The following MRPL57 variants were observed in gnomAD, a reference collection of about 807,000 sequenced individuals.
MRPL57 encodes mitochondrial ribosomal protein L57.
In MRPL57, 1 loss-of-function variant was observed where a neutral mutation model predicts 1.3. That is an observed-to-expected ratio of 0.79 (90% confidence interval 0.28 to 3.75). MRPL57 has a LOEUF of 3.75. Ranked by LOEUF, MRPL57 falls within the 30% of genes most tolerant of loss-of-function variation. MRPL57 has a pLI of 0.19. For missense variants in MRPL57, 170 were observed against 148.9 expected (o/e 1.14, Z -0.74); for synonymous variants, 79 against 61.7 (o/e 1.28, Z -1.31).
rs376825924 is a variant in MRPL57, at chr13:21,176,899, C to G, written c.-5-13C>G. The G allele has an allele frequency of 4.3e-5, 68 of 1,599,448 alleles. No individual in the cohort carries two copies. In the African/African-American group the frequency reaches 7.9e-4, roughly 19 times the overall value. On this transcript the variant is annotated splice_polypyrimidine_tract_variant and intron_variant, in intron 1 of 1. Coordinates refer to ENST00000309594, the MANE Select transcript of MRPL57 (RefSeq NM_024026.5). Reference sequence around the variant, plus strand: ...CAGTTCGCCTCCGCAAAGCCCGTCCCTCTCTTCCGCAGGCACCATGTTCCT... The same window carrying G: ...CAGTTCGCCTCCGCAAAGCCCGTCCGTCTCTTCCGCAGGCACCATGTTCCT...
Position 21,176,668 on chromosome 13 carries a change from C to T in MRPL57, c.-55C>T, listed in dbSNP as rs1010326148. The stretch of plus-strand genomic sequence containing the variant: ...CCGCGAGACGGGTGCGCTTACGCCA[C>T]GGCGTCTGCTGGCGGCCGCGGAGAC... On this transcript the variant is annotated 5_prime_UTR_variant, in exon 1 of 2. In the 5' UTR this introduces an upstream ATG that the reference lacks. Transcript: ENST00000309594. 7 of 674,386 alleles carry T rather than the reference C, an allele frequency of 1.0e-5. No homozygotes were observed. The highest frequency in any genetic ancestry group is 3.0e-5 in the East Asian group (1 of 33,294). 41.8% of individuals were successfully genotyped at this position (674,386 alleles called of 1,614,324 possible).
Position 21,177,170 on chromosome 13 carries a change from A to G in MRPL57, c.254A>G (p.His85Arg), listed in dbSNP as rs1362216273. 1.2e-6 allele frequency: 2 copies of G among 1,614,060 alleles called. No individual in the cohort carries two copies. The highest frequency in any genetic ancestry group is 1.3e-5 in the African/African-American group (1 of 74,942). The change falls in exon 2 of 2, where the codon CAT becomes CGT. Residue 85 changes from histidine to arginine, a missense_variant. Transcript: ENST00000309594. ...KAAATSKFPPHRFIADQLDHL... is the reference protein window; with the variant it reads ...KAAATSKFPPRRFIADQLDHL... ...GCCGCCACTTCCAAGTTCCCCCCGC[A>G]TAGATTCATTGCGGACCAGCTCGAC...
chr13:21,177,112 C>T lies in MRPL57; in HGVS notation c.196C>T (p.Arg66Cys), dbSNP rs759045947. The T allele has an allele frequency of 3.1e-6, 5 of 1,613,730 alleles. No homozygotes were observed. In the East Asian group the frequency reaches 6.7e-5, roughly 22 times the overall value. ...REQERGHAAV[R>C]RREAFEAIKA... ...GCAGGAGCGCGGCCACGCCGCGGTG[C>T]GCAGGAGGGAGGCCTTCGAGGCCAT... The change falls in exon 2 of 2, where the codon CGC becomes TGC. Residue 66 changes from arginine (R) to cysteine (C), a missense_variant. Physicochemically the swap from Arg to Cys is radical, Grantham distance 180 (BLOSUM62 -3). Transcript: ENST00000309594.
In MRPL57 at chr13:21,177,362, C is replaced by T; in HGVS notation, c.*137C>T. On this transcript the variant is annotated 3_prime_UTR_variant, in exon 2 of 2. Coordinates refer to ENST00000309594, the MANE Select transcript of MRPL57 (RefSeq NM_024026.5). ...ATTAAAACAAACAAACATGAGTAGT[C>T]TGCATATCGAATATCTAGAGCTCTA... The T allele has an allele frequency of 2.3e-6, 2 of 865,848 alleles. No homozygotes were observed. Among genetic ancestry groups the T allele is most frequent in the Non-Finnish European group, 3.6e-6 (2 of 554,082 alleles). The allele number at this position is 865,848 out of a possible 1,614,324, so 53.6% of individuals were successfully genotyped here. A position where few individuals can be genotyped will look rare whatever the true frequency, so the allele number is the denominator to read the frequency against.
intron 1 of MRPL57, 54 bp downstream of exon 1, chr13:21,176,771 C>T: frequency 2.3e-6 from 2 of 864,892 alleles, no homozygotes; most frequent in Admixed American, 2.9e-5. Flanking sequence ...CGCCTGCTGG[C>T]CTTACCTGGG....
In MRPL57 at chr13:21,177,354, T is replaced by C. The variant is rs1434550913; in HGVS notation, c.*129T>C. On this transcript the variant is annotated 3_prime_UTR_variant, in exon 2 of 2. Transcript: ENST00000309594. ...CAGTCTTTATTAAAACAAACAAACA[T>C]GAGTAGTCTGCATATCGAATATCTA... 2.2e-6 allele frequency: 2 copies of C among 928,772 alleles called. No individual in the cohort carries two copies. Among genetic ancestry groups the C allele is most frequent in the African/African-American group, 3.4e-5 (2 of 58,722 alleles). The allele number at this position is 928,772 out of a possible 1,614,324, so 57.5% of individuals were successfully genotyped here.
intron 1 of MRPL57, 27 bp downstream of exon 1, chr13:21,176,744 C>T: frequency 1.4e-6 from 1 of 732,242 alleles, no homozygotes; most frequent in East Asian, 2.7e-5. Context: ...ATTCGGTTCT[C>T]TAGGGAGCTC....
chr13:21,176,711 G>A lies in MRPL57; in HGVS notation c.-12G>A. The A allele has an allele frequency of 1.5e-6, 1 of 668,524 alleles. No individual in the cohort carries two copies. Among genetic ancestry groups the A allele is most frequent in the South Asian group, 2.0e-5 (1 of 50,296 alleles). The allele number at this position is 668,524 out of a possible 1,614,324, so 41.4% of individuals were successfully genotyped here. ...GCGGAGACGCAGAGTCTTGAGCAGC[G>A]CGGCAGGTGAGTAGCTGTGCGAATT... is the stretch of plus-strand genomic sequence containing the variant. On this transcript the variant is annotated 5_prime_UTR_variant, in exon 1 of 2. Transcript: ENST00000309594.
In MRPL57 at chr13:21,176,901, C is replaced by T. The variant is rs1327158466; in HGVS notation, c.-5-11C>T. 6.3e-7 allele frequency: 1 copy of T among 1,599,974 alleles called. No individual in the cohort carries two copies. ...GTTCGCCTCCGCAAAGCCCGTCCCT[C>T]TCTTCCGCAGGCACCATGTTCCTGA... On this transcript the variant is annotated splice_polypyrimidine_tract_variant and intron_variant, in intron 1 of 1. Coordinates refer to ENST00000309594, the MANE Select transcript of MRPL57 (RefSeq NM_024026.5).
At position 21,177,333 on chromosome 13, in the gene MRPL57, C is replaced by CT. The variant is rs1437076650; in HGVS notation, c.*111dup. 1 of 1,181,496 alleles carries CT rather than the reference C, an allele frequency of 8.5e-7. No homozygotes were observed. The highest frequency in any genetic ancestry group is 2.5e-5 in the Admixed American group (1 of 39,498). 73.2% of individuals were successfully genotyped at this position (1,181,496 alleles called of 1,614,324 possible). On this transcript the variant is annotated 3_prime_UTR_variant, in exon 2 of 2. Coordinates refer to ENST00000309594, the MANE Select transcript of MRPL57 (RefSeq NM_024026.5). ...TGTGAAAATGAGCCTTTGGACCAGT[C>CT]TTTATTAAAACAAACAAACATGAGT...
Position 21,177,606 on chromosome 13 carries a change from T to C in MRPL57, c.*381T>C, listed in dbSNP as rs188787111. The C allele has an allele frequency of 3.2e-4, 74 of 229,090 alleles. No individual in the cohort carries two copies. Among genetic ancestry groups the C allele is most frequent in the African/African-American group, 1.7e-3 (70 of 42,408 alleles). The allele number at this position is 229,090 out of a possible 1,614,324, so 14.2% of individuals were successfully genotyped here. On this transcript the variant is annotated 3_prime_UTR_variant, in exon 2 of 2. Transcript: ENST00000309594. ...AATTGCCCAAAAATGAAAGAAAATA[T>C]GAGCTTTTCAGTTAAACATACTCCT... is the stretch of plus-strand genomic sequence containing the variant.
In MRPL57 at chr13:21,176,723, T is replaced by C. The variant is rs1871575879; in HGVS notation, c.-6+6T>C. ...AGTCTTGAGCAGCGCGGCAGGTGAG[T>C]AGCTGTGCGAATTCGGTTCTCTAGG... On this transcript the variant is annotated splice_donor_region_variant and intron_variant, in intron 1 of 1. Transcript: ENST00000309594. 3.0e-6 allele frequency: 2 copies of C among 675,732 alleles called. No homozygotes were observed. Among genetic ancestry groups the C allele is most frequent in the African/African-American group, 1.8e-5 (1 of 54,910 alleles). 41.9% of individuals were successfully genotyped at this position (675,732 alleles called of 1,614,324 possible). A position where few individuals can be genotyped will look rare whatever the true frequency, so the allele number is the denominator to read the frequency against.
chr13:21,176,671 C>T lies in MRPL57; in HGVS notation c.-52C>T, dbSNP rs1290044660. On this transcript the variant is annotated 5_prime_UTR_variant, in exon 1 of 2. Coordinates refer to ENST00000309594, the MANE Select transcript of MRPL57 (RefSeq NM_024026.5). The stretch of plus-strand genomic sequence containing the variant: ...CGAGACGGGTGCGCTTACGCCACGG[C>T]GTCTGCTGGCGGCCGCGGAGACGCA... 3 of 664,570 alleles carry T rather than the reference C, an allele frequency of 4.5e-6. No individual in the cohort carries two copies. Among genetic ancestry groups the T allele is most frequent in the South Asian group, 2.1e-5 (1 of 48,190 alleles). 41.2% of individuals were successfully genotyped at this position (664,570 alleles called of 1,614,324 possible).
rs1034575822 is a variant in MRPL57, at chr13:21,177,108, G to A, written c.192G>A (p.Ala64=). The change falls in exon 2 of 2, where the codon GCG becomes GCA. Residue 64 remains alanine (A), a synonymous_variant. Coordinates refer to ENST00000309594, the MANE Select transcript of MRPL57 (RefSeq NM_024026.5). ...MTREQERGHA[A]VRRREAFEAI... ...GGGAGCAGGAGCGCGGCCACGCCGC[G>A]GTGCGCAGGAGGGAGGCCTTCGAGG... 1.2e-6 allele frequency: 2 copies of A among 1,613,926 alleles called. No individual in the cohort carries two copies. The highest frequency in any genetic ancestry group is 2.7e-5 in the African/African-American group (2 of 75,070).
rs1871640220 is a variant in MRPL57 at position 21,177,371 on chromosome 13, G to A, written c.*146G>A. On this transcript the variant is annotated 3_prime_UTR_variant, in exon 2 of 2. Coordinates refer to ENST00000309594, the MANE Select transcript of MRPL57 (RefSeq NM_024026.5). ...AACAAACATGAGTAGTCTGCATATC[G>A]AATATCTAGAGCTCTAAACCCCCAA... The A allele has an allele frequency of 1.3e-6, 1 of 777,440 alleles. No homozygotes were observed. The highest frequency in any genetic ancestry group is 3.3e-5 in the Admixed American group (1 of 30,208). The allele number at this position is 777,440 out of a possible 1,614,324, so 48.2% of individuals were successfully genotyped here. A position where few individuals can be genotyped will look rare whatever the true frequency, so the allele number is the denominator to read the frequency against.
rs1871693470 is a variant in MRPL57 at position 21,178,291 on chromosome 13, A to C, written c.*1066A>C. The stretch of plus-strand genomic sequence containing the variant: ...GTCTCCACTGAAAATACATAAAATT[A>C]GCCGGGTGCAGTGGTGAGGCCTGTA... On this transcript the variant is annotated 3_prime_UTR_variant, in exon 2 of 2. Coordinates refer to ENST00000309594, the MANE Select transcript of MRPL57 (RefSeq NM_024026.5). 6.6e-6 allele frequency: 1 copy of C among 152,216 alleles called. No individual in the cohort carries two copies. Among genetic ancestry groups the C allele is most frequent in the African/African-American group, 2.4e-5 (1 of 41,236 alleles). The allele number at this position is 152,216 out of a possible 1,614,324, so 9.4% of individuals were successfully genotyped here.
Position 21,177,108 on chromosome 13 carries a change from G to C in MRPL57, c.192G>C (p.Ala64=), listed in dbSNP as rs1034575822. The C allele has an allele frequency of 1.9e-6, 3 of 1,613,808 alleles. No homozygotes were observed. The highest frequency in any genetic ancestry group is 1.1e-5 in the South Asian group (1 of 91,094). The change falls in exon 2 of 2, where the codon GCG becomes GCC. Residue 64 remains alanine (A), a synonymous_variant. Transcript: ENST00000309594. ...MTREQERGHA[A]VRRREAFEAI... ...GGGAGCAGGAGCGCGGCCACGCCGC[G>C]GTGCGCAGGAGGGAGGCCTTCGAGG...
rs767461712 is a variant in MRPL57, at chr13:21,178,951, G to A, written c.*1726G>A. 35 of 166,580 alleles carry A rather than the reference G, an allele frequency of 2.1e-4. No homozygotes were observed. Among genetic ancestry groups the A allele is most frequent in the Non-Finnish European group, 2.4e-4 (16 of 68,018 alleles). The allele number at this position is 166,580 out of a possible 1,614,324, so 10.3% of individuals were successfully genotyped here. ...CCACTGCTCTCCAGCCTGCATGACG[G>A]GAGTGAGACACCATCTCAAAAAATA... On this transcript the variant is annotated 3_prime_UTR_variant, in exon 2 of 2. Transcript: ENST00000309594.
Position 21,177,102 on chromosome 13 carries a change from C to A in MRPL57, c.186C>A (p.His62Gln), listed in dbSNP as rs371867311. 1.2e-6 allele frequency: 2 copies of A among 1,613,796 alleles called. No individual in the cohort carries two copies. The highest frequency in any genetic ancestry group is 2.7e-5 in the African/African-American group (2 of 74,942). The change falls in exon 2 of 2, where the codon CAC (histidine) becomes CAA (glutamine). Residue 62 changes from histidine to glutamine, a missense_variant. Physicochemically the swap from His to Gln is conservative, Grantham distance 24. Coordinates refer to ENST00000309594, the MANE Select transcript of MRPL57 (RefSeq NM_024026.5). The part of the protein sequence containing the change: ...PYMTREQERG[H>Q]AAVRRREAFE... ...TGACCCGGGAGCAGGAGCGCGGCCA[C>A]GCCGCGGTGCGCAGGAGGGAGGCCT...
Sources: allele counts gnomAD v4.1 joint callset, GRCh38; gene constraint gnomAD v4.1.1; transcripts MANE v1.5; gene names NCBI Gene and HGNC (gene_info 2026-07-23, HGNC 2026-07-21).